The following TPRA1 variants were observed in gnomAD, a reference collection of about 807,000 sequenced individuals.
TPRA1 encodes the protein transmembrane protein adipocyte associated 1.
A neutral mutation model predicts 40.1 loss-of-function variants in TPRA1; 28 were observed. The observed-to-expected ratio is 0.70, with a 90% CI of 0.52 to 0.96. TPRA1 has a LOEUF of 0.96. Ranked by LOEUF, TPRA1 falls within the 40% of genes least tolerant of loss-of-function variation. The pLI, the probability that TPRA1 is intolerant of heterozygous loss-of-function variation, is 0.00. For synonymous variants in TPRA1, 219 were observed against 209.7 expected, an observed-to-expected ratio of 1.04 and a Z score of -0.38; for missense variants, 441 against 482.6, an observed-to-expected ratio of 0.91 and a Z score of 0.81.
rs144819729 is a variant in TPRA1 at position 127,578,988 on chromosome 3, G to A, written c.258+752C>T. On this transcript the variant is annotated intron_variant, in intron 3 of 10. Coordinates refer to ENST00000355552, the MANE Select transcript of TPRA1 (RefSeq NM_001136053.4). The stretch of plus-strand genomic sequence containing the variant: ...CCCGCACCGGAAGCCTACACCTGGA[G>A]AGCCCACACCCGAAGCCCACACCTG... Among the ~76,000 whole-genome samples, 444 of 151,594 alleles carry A rather than the reference G, an allele frequency of 2.9e-3. 4 individuals are homozygous for A. The highest frequency in any genetic ancestry group is 3.1e-3 in the Non-Finnish European group (209 of 67,858).
intron 1 of TPRA1, among the ~76,000 whole-genome samples, chr3:127,596,386 G>A (rs111504245): frequency 0.011 from 1,680 of 152,282 alleles, 12 homozygotes; most frequent in Middle Eastern, 0.027. Flanking sequence ...GCCATCCCAG[G>A]ATAATTTTTT....
chr3:127,589,781 C>T (rs1484448704), intron 1 of TPRA1, among the ~76,000 whole-genome samples: 2 of 152,120 alleles, frequency 1.3e-5, no homozygotes, highest in Admixed American at 6.5e-5. Flanking sequence ...GCTCAGGACT[C>T]GGTCCCCTAG....
At chr3:127,593,650 C>A (rs1228167906), upstream of TPRA1, among the ~76,000 whole-genome samples, 1 of 152,022 alleles carries the variant, frequency 6.6e-6, no homozygotes, top group Non-Finnish European at 1.5e-5. Flanking sequence ...CCCTTGAAGA[C>A]CAAAGACGTG....
chr3:127,574,947 T>C lies in TPRA1; in HGVS notation c.854+238A>G, dbSNP rs2107620345. The C allele has an allele frequency of 6.9e-6, 4 of 575,716 alleles. No homozygotes were observed. In the East Asian group the frequency reaches 1.2e-4, roughly 17 times the overall value. The allele number at this position is 575,716 out of a possible 1,614,324, so 35.7% of individuals were successfully genotyped here. A position where few individuals can be genotyped will look rare whatever the true frequency, so the allele number is the denominator to read the frequency against. ...TTGTGTGTGCATGTGCATGTGTGCA[T>C]GCTTGTGCATCCGTGTGTGCATGTG... On this transcript the variant is annotated intron_variant, in intron 10 of 10. Transcript: ENST00000355552.
Position 127,580,171 on chromosome 3 carries a change from A to T in TPRA1, c.-17-8T>A, listed in dbSNP as rs1372769808. The T allele has an allele frequency of 6.2e-7, 1 of 1,607,420 alleles. No individual in the cohort carries two copies. The highest frequency in any genetic ancestry group is 8.5e-7 in the Non-Finnish European group (1 of 1,178,962). On this transcript the variant is annotated splice_region_variant and splice_polypyrimidine_tract_variant and intron_variant, in intron 1 of 10. Transcript: ENST00000355552. ...TCCCGCCAGCAGCCAGCCCTGGGGGAGTGAGAGCCGCCCAGTGAGCTGTGT... is the reference window on the plus strand; with the variant it reads ...TCCCGCCAGCAGCCAGCCCTGGGGGTGTGAGAGCCGCCCAGTGAGCTGTGT...
chr3:127,586,237 A>T (rs1188901961), intron 1 of TPRA1, among the ~76,000 whole-genome samples: 1 of 152,214 alleles, frequency 6.6e-6, no homozygotes, highest in African/African-American at 2.4e-5. Context: ...CGCCTCCTGC[A>T]TGACTTCTGG....
chr3:127,582,882 G>C (rs977131411), intron 1 of TPRA1, among the ~76,000 whole-genome samples: 2 of 150,644 alleles, frequency 1.3e-5, no homozygotes, highest in African/African-American at 4.9e-5. Context: ...GGTGGCTCAC[G>C]CCTGTAATCC....
intron 1 of TPRA1, among the ~76,000 whole-genome samples, chr3:127,596,510 G>A (rs2074242948): frequency 1.3e-5 from 2 of 152,160 alleles, no homozygotes. Flanking sequence ...TTAACTGTTG[G>A]GGTTTCCCAG....
At chr3:127,584,136 A>G (rs1388205497) in intron 1 of TPRA1, among the ~76,000 whole-genome samples, 4 of 138,090 alleles carry the variant, frequency 2.9e-5, no homozygotes, top group South Asian at 4.8e-4. Flanking sequence ...GCAAACTTGG[A>G]AAAAAAAAAA....
chr3:127,577,912 C>A (rs2073699504), intron 3 of TPRA1, among the ~76,000 whole-genome samples: 1 of 152,188 alleles, frequency 6.6e-6, no homozygotes, highest in African/African-American at 2.4e-5. Flanking sequence ...GGTGGGGCTG[C>A]TGGGAAAGGC....
chr3:127,586,586 G>A (rs139069783), intron 1 of TPRA1, among the ~76,000 whole-genome samples: 2 of 152,266 alleles, frequency 1.3e-5, no homozygotes, highest in African/African-American at 4.8e-5. Context: ...CTAGAACTCT[G>A]GACCTCAAGT....
chr3:127,583,986 G>T (rs1364970699), intron 1 of TPRA1, among the ~76,000 whole-genome samples: 1 of 150,794 alleles, frequency 6.6e-6, no homozygotes, highest in East Asian at 2.0e-4. Context: ...GCTTTTATTT[G>T]CTCAGCAGAC....
intron 1 of TPRA1, among the ~76,000 whole-genome samples, chr3:127,584,669 G>A (rs1475093193): frequency 6.6e-6 from 1 of 151,946 alleles, no homozygotes; most frequent in East Asian, 1.9e-4. Flanking sequence ...CCCTGCAACT[G>A]GGTGTGGCCA....
rs1354768827 is a variant in TPRA1 at position 127,590,512 on chromosome 3, G to A, written c.-120C>T. ...GATCCAGCACAGGCCGCGGGACTCC[G>A]GCCTCCAGCGCCAGACCAGGCGGCC... On this transcript the variant is annotated 5_prime_UTR_variant, in exon 1 of 11. Coordinates refer to ENST00000355552, the MANE Select transcript of TPRA1 (RefSeq NM_001136053.4). 5.9e-5 allele frequency: 9 copies of A among 152,312 alleles called. No homozygotes were observed. Among genetic ancestry groups the A allele is most frequent in the Admixed American group, 2.6e-4 (4 of 15,306 alleles). 9.4% of individuals were successfully genotyped at this position (152,312 alleles called of 1,614,324 possible). A position where few individuals can be genotyped will look rare whatever the true frequency, so the allele number is the denominator to read the frequency against.
chr3:127,589,932 C>A (rs1161255935), intron 1 of TPRA1, among the ~76,000 whole-genome samples: 1 of 152,252 alleles, frequency 6.6e-6, no homozygotes, highest in African/African-American at 2.4e-5. Context: ...AGCCAGCCCC[C>A]ACCTGCATTC....
In TPRA1 at chr3:127,573,639, C is replaced by A; in HGVS notation, c.1004G>T (p.Ser335Ile). The change falls in exon 11 of 11, where the codon AGC becomes ATC. Residue 335 changes from serine (S) to isoleucine (I), a missense_variant. Ser to Ile is a moderately radical substitution (Grantham distance 142, BLOSUM62 -2). Coordinates refer to ENST00000355552, the MANE Select transcript of TPRA1 (RefSeq NM_001136053.4). Reference protein sequence around the residue: ...AAGASAASYSSTQFDSAGGVA... With the variant: ...AAGASAASYSITQFDSAGGVA... ...CCCGCCGGCAGAGTCGAACTGCGTGCTCGAGTAGCTGGCAGCTGAGGCCCC... is the reference window on the plus strand; with the variant it reads ...CCCGCCGGCAGAGTCGAACTGCGTGATCGAGTAGCTGGCAGCTGAGGCCCC... 1.9e-6 allele frequency: 3 copies of A among 1,613,416 alleles called. No individual in the cohort carries two copies. Among genetic ancestry groups the A allele is most frequent in the Non-Finnish European group, 2.5e-6 (3 of 1,179,998 alleles).
In TPRA1 at chr3:127,573,497, C is replaced by T. The variant is rs1313566024; in HGVS notation, c.*24G>A. 6.2e-7 allele frequency: 1 copy of T among 1,600,464 alleles called. No individual in the cohort carries two copies. The highest frequency in any genetic ancestry group is 1.1e-5 in the South Asian group (1 of 89,782). On this transcript the variant is annotated 3_prime_UTR_variant, in exon 11 of 11. Coordinates refer to ENST00000355552, the MANE Select transcript of TPRA1 (RefSeq NM_001136053.4). ...CTGCTGGCCTCCTCTCTGGCCTGTC[C>T]TCCACAGGCCCTGGCAGCTGCCCTC...
intron 1 of TPRA1, among the ~76,000 whole-genome samples, chr3:127,586,346 T>A (rs1386716131): frequency 6.6e-6 from 1 of 152,114 alleles, no homozygotes; most frequent in Admixed American, 6.5e-5. Context: ...CCATTATTTA[T>A]TTATTCATAT....
intron 1 of TPRA1, among the ~76,000 whole-genome samples, chr3:127,596,592 A>T (rs1274955373): frequency 6.6e-6 from 1 of 152,182 alleles, no homozygotes; most frequent in East Asian, 1.9e-4. Context: ...GGCAATCTAC[A>T]GCTTCAGTCC....
Sources: gnomAD v4.1 joint callset for allele counts (sites outside exome capture counted in the v4.1 genomes callset) on GRCh38, gnomAD v4.1.1 for gene constraint, MANE v1.5 for transcripts, NCBI Gene and HGNC (gene_info 2026-07-23, HGNC 2026-07-21) for gene names.